The following FGF12 variants were observed in gnomAD, a reference collection of about 807,000 sequenced individuals.
FGF12 encodes fibroblast growth factor 12B.
FGF12 carries 14 observed loss-of-function variants against 23.6 expected under a neutral mutation model. The ratio of observed to expected loss-of-function variants is 0.59; its 90% CI spans 0.39 to 0.93. The LOEUF is 0.93. Ranked by LOEUF, FGF12 falls within the 40% of genes least tolerant of loss-of-function variation. FGF12 has a pLI of 0.00. For synonymous variants in FGF12, 62 were observed against 77.3 expected (o/e 0.80, Z 1.04); for missense variants, 175 against 217.8 (o/e 0.80, Z 1.24).
intron 4 of FGF12, among the ~76,000 whole-genome samples, chr3:192,203,511 C>T (rs1307358327): frequency 1.3e-5 from 2 of 150,910 alleles, no homozygotes. Context: ...TTTGAAGTAG[C>T]TTAGGTGTCT....
rs141436806 is a variant in FGF12 at position 192,246,761 on chromosome 3, A to T, written c.229-76105T>A. 5.7e-3 allele frequency among the ~76,000 whole-genome samples: 834 copies of T among 147,332 alleles called. 5 individuals are homozygous for T. The highest frequency in any genetic ancestry group is 0.014 in the Middle Eastern group (4 of 288). Reference sequence around the variant, plus strand: ...AATCGCTTGAACCCGGGAAGCAGAGATTGCAGTGAGCCAAGATTGTGCCAC... The same window carrying T: ...AATCGCTTGAACCCGGGAAGCAGAGTTTGCAGTGAGCCAAGATTGTGCCAC... On this transcript the variant is annotated intron_variant, in intron 4 of 5. Coordinates refer to ENST00000445105, the MANE Select transcript of FGF12 (RefSeq NM_004113.6).
Position 192,534,900 on chromosome 3 carries a change from C to A in FGF12, c.14-174362G>T, listed in dbSNP as rs557767545. Among the ~76,000 whole-genome samples the A allele has an allele frequency of 2.0e-5, 3 of 152,122 alleles. No homozygotes were observed. In the South Asian group the frequency reaches 6.2e-4, roughly 32 times the overall value. On this transcript the variant is annotated intron_variant, in intron 2 of 5. Transcript: ENST00000445105. ...GGAGACATTCCTCCAAATAGAAATA[C>A]CACCTTACTATTGTAAGTTTCAGTG... is the stretch of plus-strand genomic sequence containing the variant.
chr3:192,161,837 C>T (rs1383679273), intron 5 of FGF12, among the ~76,000 whole-genome samples: 1 of 152,046 alleles, frequency 6.6e-6, no homozygotes, highest in East Asian at 1.9e-4. Flanking sequence ...CTTGACAGAT[C>T]CTTTGAAATT....
At position 192,640,513 on chromosome 3, in the gene FGF12, CA is replaced by C. The variant is rs532299930; in HGVS notation, c.13+86667del. ...GAGCCATTAAATCACAAAATATTAG[CA>C]AAAGAAAGCTGCTAAGAGGTCATAG... On this transcript the variant is annotated intron_variant, in intron 2 of 5. Coordinates refer to ENST00000445105, the MANE Select transcript of FGF12 (RefSeq NM_004113.6). 8.4e-4 allele frequency among the ~76,000 whole-genome samples: 127 copies of C among 152,082 alleles called. 2 individuals carry two copies. In the East Asian group the frequency reaches 0.021, roughly 26 times the overall value.
chr3:192,296,394 C>A (rs1285396288), intron 4 of FGF12, among the ~76,000 whole-genome samples: 1 of 151,414 alleles, frequency 6.6e-6, no homozygotes, highest in Non-Finnish European at 1.5e-5. Flanking sequence ...CAGCTTATTT[C>A]CATATTTTTT....
intron 5 of FGF12, among the ~76,000 whole-genome samples, chr3:192,147,929 T>C (rs944591020): frequency 6.6e-6 from 1 of 152,178 alleles, no homozygotes; most frequent in African/African-American, 2.4e-5. Flanking sequence ...AGAAAACATA[T>C]GGCTGTTATA....
intron 3 of FGF12, among the ~76,000 whole-genome samples, chr3:192,349,323 G>A (rs1334347625): frequency 6.6e-6 from 1 of 152,022 alleles, no homozygotes; most frequent in East Asian, 1.9e-4. Context: ...GAGCCTCAAA[G>A]TAAGGTAATG....
intron 2 of FGF12, among the ~76,000 whole-genome samples, chr3:192,621,417 C>T (rs553828853): frequency 6.6e-6 from 1 of 152,058 alleles, no homozygotes; most frequent in Non-Finnish European, 1.5e-5. Context: ...AAAGCATGGG[C>T]TTTGAAGCCC....
chr3:192,687,751 C>T (rs1290695858), intron 2 of FGF12, among the ~76,000 whole-genome samples: 1 of 152,096 alleles, frequency 6.6e-6, no homozygotes, highest in Non-Finnish European at 1.5e-5. Context: ...TTGCAGCTGC[C>T]TAGGTGTGCA....
intron 2 of FGF12, among the ~76,000 whole-genome samples, chr3:192,678,793 C>T (rs569837275): frequency 3.3e-5 from 5 of 152,236 alleles, no homozygotes; most frequent in East Asian, 1.9e-4. Flanking sequence ...CCAGCCCAGG[C>T]CCAGCTTATC....
chr3:192,628,311 A>G (rs1319802516), intron 2 of FGF12, among the ~76,000 whole-genome samples: 1 of 152,056 alleles, frequency 6.6e-6, no homozygotes, highest in Non-Finnish European at 1.5e-5. Context: ...GCTATGAACA[A>G]TCATATACAG....
In FGF12 at chr3:192,167,763, ATATATAAAATTTT is replaced by A. The variant is rs1334846235; in HGVS notation, c.427+2682_427+2694del. 1.1e-3 allele frequency among the ~76,000 whole-genome samples: 37 copies of A among 32,184 alleles called. 1 individual carries two copies. Among genetic ancestry groups the A allele is most frequent in the Admixed American group, 1.8e-3 (5 of 2,740 alleles). 21.1% of individuals were successfully genotyped at this position (32,184 alleles called of 152,430 possible). A position where few individuals can be genotyped will look rare whatever the true frequency, so the allele number is the denominator to read the frequency against. ...TATATATATATATATATATATATAT[ATATATAAAATTTT>A]TTTTTTTTTTTTTTTTTGAGAAAGA... is the stretch of plus-strand genomic sequence containing the variant. On this transcript the variant is annotated intron_variant, in intron 5 of 5. Transcript: ENST00000445105.
In FGF12 at chr3:192,719,114, G is replaced by A. The variant is rs567216512; in HGVS notation, c.13+8067C>T. ...TTAGAATAATCTAAGTAGTCTGTTA[G>A]ATTAATACATTAGAATATTAGTTAT... On this transcript the variant is annotated intron_variant, in intron 2 of 5. Transcript: ENST00000445105. Among the ~76,000 whole-genome samples the A allele has an allele frequency of 2.6e-5, 4 of 152,262 alleles. No individual in the cohort carries two copies. In the East Asian group the frequency reaches 7.7e-4, roughly 29 times the overall value.
intron 5 of FGF12, among the ~76,000 whole-genome samples, chr3:192,163,805 A>G (rs944160850): frequency 7.4e-6 from 1 of 134,638 alleles, no homozygotes; most frequent in Non-Finnish European, 1.7e-5. Flanking sequence ...AATGGAAACC[A>G]TGTATATGGC....
chr3:192,195,685 T>A (rs1560187864), intron 4 of FGF12, among the ~76,000 whole-genome samples: 1 of 152,238 alleles, frequency 6.6e-6, no homozygotes, highest in Non-Finnish European at 1.5e-5. Flanking sequence ...TATAACTATA[T>A]GTATATACAT....
intron 4 of FGF12, among the ~76,000 whole-genome samples, chr3:192,211,043 C>T (rs1016690078): frequency 6.6e-6 from 1 of 152,174 alleles, no homozygotes; most frequent in African/African-American, 2.4e-5. Context: ...CGAAAGGATA[C>T]TCTTCCTGTT....
rs577336469 is a variant in FGF12, at chr3:192,406,895, G to A, written c.14-46357C>T. On this transcript the variant is annotated intron_variant, in intron 2 of 5. Transcript: ENST00000445105. ...CCAACAGCACGCCACAGTCAGAGTTGCAAAGAGACAAACTAGCCAACAGAT... is the reference window on the plus strand; with the variant it reads ...CCAACAGCACGCCACAGTCAGAGTTACAAAGAGACAAACTAGCCAACAGAT... 7.9e-5 allele frequency among the ~76,000 whole-genome samples: 12 copies of A among 152,292 alleles called. 1 individual carries two copies. The South Asian group carries it at 2.5e-3, about 32-fold the overall frequency.
chr3:192,339,834 G>C (rs555582585), intron 3 of FGF12, among the ~76,000 whole-genome samples: 1 of 152,248 alleles, frequency 6.6e-6, no homozygotes, highest in East Asian at 1.9e-4. Flanking sequence ...AGACTCTTGA[G>C]GGTAGTTGCT....
chr3:192,668,479 A>T (rs1046774848), intron 2 of FGF12, among the ~76,000 whole-genome samples: 4 of 152,168 alleles, frequency 2.6e-5, no homozygotes, highest in African/African-American at 9.7e-5. Context: ...ACCTTCAAAG[A>T]GAAGAGTTCT....
Sources: gnomAD v4.1 joint callset for allele counts (sites outside exome capture counted in the v4.1 genomes callset) on GRCh38, gnomAD v4.1.1 for gene constraint, MANE v1.5 for transcripts, NCBI Gene and HGNC (gene_info 2026-07-23, HGNC 2026-07-21) for gene names.